RBFOX1: variants seen among roughly 807,000 people sequenced by gnomAD.
RBFOX1 encodes the protein RNA binding fox-1 homolog 1.
In RBFOX1, 8 loss-of-function variants were observed where a neutral mutation model predicts 57.7. The ratio of observed to expected loss-of-function variants is 0.14; its 90% CI spans 0.08 to 0.25. RBFOX1 has a LOEUF of 0.25. Among genes scored for constraint, RBFOX1 ranks in the 10% least tolerant of loss-of-function variants. RBFOX1 has a pLI of 1.00. For missense variants in RBFOX1, 611 were observed against 548.5 expected, an observed-to-expected ratio of 1.11 and a Z score of -1.14; for synonymous variants, 326 against 222.4, an observed-to-expected ratio of 1.47 and a Z score of -4.15.
intron 4 of RBFOX1, among the ~76,000 whole-genome samples, chr16:7,358,613 T>A (rs1467237226): frequency 6.6e-6 from 1 of 152,156 alleles, no homozygotes; most frequent in African/African-American, 2.4e-5. Flanking sequence ...AGAGACAGGG[T>A]TTCACCATGT....
intron 2 of RBFOX1, among the ~76,000 whole-genome samples, chr16:6,335,806 A>G (rs1395964614): frequency 6.6e-6 from 1 of 150,510 alleles, no homozygotes; most frequent in Non-Finnish European, 1.5e-5. Context: ...AAAAAAGAAA[A>G]GAAAAGAAAA....
intron 9 of RBFOX1, among the ~76,000 whole-genome samples, chr16:7,604,081 A>G (rs914436052): frequency 3.9e-5 from 6 of 152,304 alleles, no homozygotes; most frequent in Admixed American, 3.9e-4. Flanking sequence ...AATGGATCAC[A>G]CATGGGGTAT....
chr16:7,094,987 C>T (rs1219155863), intron 4 of RBFOX1, among the ~76,000 whole-genome samples: 1 of 152,114 alleles, frequency 6.6e-6, no homozygotes, highest in East Asian at 1.9e-4. Context: ...CAAAGGTAAA[C>T]ATCAATTGTG....
chr16:5,423,967 C>T (rs1049090350), intron 1 of RBFOX1, among the ~76,000 whole-genome samples: 2 of 152,126 alleles, frequency 1.3e-5, no homozygotes, highest in South Asian at 2.1e-4. Context: ...ACCCGAAGCT[C>T]GGGGCTTTGC....
chr16:5,931,044 T>A (rs1252862661), intron 4 of RBFOX1, among the ~76,000 whole-genome samples: 1 of 152,018 alleles, frequency 6.6e-6, no homozygotes, highest in Non-Finnish European at 1.5e-5. Flanking sequence ...TAAACTTATT[T>A]GTCCAAGAGT....
chr16:6,845,819 C>A (rs1014430913), intron 3 of RBFOX1, among the ~76,000 whole-genome samples: 7 of 152,216 alleles, frequency 4.6e-5, no homozygotes, highest in East Asian at 3.9e-4. Flanking sequence ...AGACTTTGTA[C>A]CTCTTCCTTA....
At chr16:5,952,179 C>G (rs1362018140) in intron 4 of RBFOX1, among the ~76,000 whole-genome samples, 1 of 149,908 alleles carries the variant, frequency 6.7e-6, no homozygotes, top group African/African-American at 2.5e-5. Context: ...GAGATGAAGT[C>G]TCACTCTGTT....
chr16:5,323,375 A>G (rs772634045), intron 1 of RBFOX1, among the ~76,000 whole-genome samples: 2 of 152,254 alleles, frequency 1.3e-5, no homozygotes, highest in Admixed American at 1.3e-4. Context: ...AATTGATTTC[A>G]TGACCCATGA....
intron 1 of RBFOX1, among the ~76,000 whole-genome samples, chr16:6,104,500 A>G (rs1055481018): frequency 3.3e-5 from 5 of 152,216 alleles, no homozygotes; most frequent in Non-Finnish European, 5.9e-5. Context: ...TAGAAAATTT[A>G]CAGTCTAATT....
At chr16:6,502,935 G>A (rs1262774349) in intron 2 of RBFOX1, among the ~76,000 whole-genome samples, 1 of 152,128 alleles carries the variant, frequency 6.6e-6, no homozygotes, top group Non-Finnish European at 1.5e-5. Context: ...CTTAAAGGAT[G>A]AAGTAGGCCT....
rs117839594 is a variant in RBFOX1, at chr16:5,352,179, A to T, written c.219+112074A>T. The stretch of plus-strand genomic sequence containing the variant: ...CTTTTTCAATTTATTTATTCAGCGG[A>T]TGCTGCTTCCCTCTCATGTGCTCCT... On this transcript the variant is annotated intron_variant, in intron 1 of 2. Coordinates refer to the RBFOX1 transcript ENST00000585867. 1.5e-3 allele frequency among the ~76,000 whole-genome samples: 231 copies of T among 152,160 alleles called. 2 individuals carry two copies. In the East Asian group the frequency reaches 0.035, roughly 23 times the overall value.
At chr16:5,805,244 G>T (rs562173602) in intron 3 of RBFOX1, among the ~76,000 whole-genome samples, 6 of 152,086 alleles carry the variant, frequency 3.9e-5, no homozygotes, top group Non-Finnish European at 8.8e-5. Context: ...AAAATATGAG[G>T]TTAGAGAGGG....
intron 1 of RBFOX1, among the ~76,000 whole-genome samples, chr16:6,113,500 G>A (rs566741871): frequency 6.6e-6 from 1 of 152,230 alleles, no homozygotes; most frequent in Non-Finnish European, 1.5e-5. Flanking sequence ...ATGGTACTGT[G>A]GCAGCCATCC....
chr16:6,020,212 C>T (rs1001756034), intron 1 of RBFOX1, among the ~76,000 whole-genome samples: 9 of 151,942 alleles, frequency 5.9e-5, no homozygotes, highest in South Asian at 2.1e-4. Context: ...CCTTGTGCGT[C>T]GCTTCCAGAA....
chr16:5,565,940 A>G (rs991668875), intron 2 of RBFOX1, among the ~76,000 whole-genome samples: 3 of 152,070 alleles, frequency 2.0e-5, no homozygotes, highest in Non-Finnish European at 4.4e-5. Flanking sequence ...TAATTGAAGC[A>G]TGGGGGGCAG....
chr16:5,354,182 G>A (rs911559226), intron 1 of RBFOX1, among the ~76,000 whole-genome samples: 9 of 152,202 alleles, frequency 5.9e-5, no homozygotes, highest in African/African-American at 2.2e-4. Flanking sequence ...ACTTGCGGGA[G>A]CTGTTCCTGT....
intron 1 of RBFOX1, among the ~76,000 whole-genome samples, chr16:5,358,826 T>G (rs1235830473): frequency 6.6e-6 from 1 of 151,926 alleles, no homozygotes; most frequent in Non-Finnish European, 1.5e-5. Flanking sequence ...AAACTCCATC[T>G]CAAAAAAAAG....
chr16:7,418,482 A>C (rs2098506240), intron 4 of RBFOX1, among the ~76,000 whole-genome samples: 1 of 152,180 alleles, frequency 6.6e-6, no homozygotes, highest in Non-Finnish European at 1.5e-5. Context: ...GAGATTACGC[A>C]TTCTGTGTCT....
intron 4 of RBFOX1, among the ~76,000 whole-genome samples, chr16:7,367,101 C>T (rs901657834): frequency 6.6e-6 from 1 of 151,178 alleles, no homozygotes; most frequent in Non-Finnish European, 1.5e-5. Flanking sequence ...GTCAGTGAAT[C>T]ATGAAATACT....
Sources: allele counts gnomAD v4.1 joint callset (sites outside exome capture counted in the v4.1 genomes callset), GRCh38; gene constraint gnomAD v4.1.1; transcripts MANE v1.5; gene names NCBI Gene and HGNC (gene_info 2026-07-23, HGNC 2026-07-21).